SAMD3: variants seen among roughly 807,000 people sequenced by gnomAD.
SAMD3 encodes sterile alpha motif domain containing 3.
In SAMD3, 63 loss-of-function variants were observed where a neutral mutation model predicts 58.5. The ratio of observed to expected loss-of-function variants is 1.08; its 90% confidence interval spans 0.88 to 1.33. SAMD3 has a LOEUF of 1.33. Ranked by LOEUF, SAMD3 falls within the 40% of genes most tolerant of loss-of-function variation. The pLI is 0.00. For missense variants in SAMD3, 604 were observed against 608.4 expected, an observed-to-expected ratio of 0.99 and a Z score of 0.08; for synonymous variants, 220 against 210.3, an observed-to-expected ratio of 1.05 and a Z score of -0.40.
intron 2 of SAMD3, among the ~76,000 whole-genome samples, chr6:130,277,455 C>CA (rs1774816375): frequency 6.6e-6 from 1 of 152,226 alleles, no homozygotes; most frequent in Admixed American, 6.5e-5. Flanking sequence ...ATTTCAAAGG[C>CA]AGTGCTCATT....
chr6:130,195,833 C>T (rs1158756994), intron 5 of SAMD3, among the ~76,000 whole-genome samples: 1 of 152,164 alleles, frequency 6.6e-6, no homozygotes, highest in African/African-American at 2.4e-5. Context: ...ATCTCTCAAA[C>T]CCCAACACCT....
chr6:130,245,190 G>A (rs1322264887), intron 2 of SAMD3, among the ~76,000 whole-genome samples: 13 of 152,232 alleles, frequency 8.5e-5, no homozygotes, highest in Non-Finnish European at 1.5e-5. Flanking sequence ...TGTGGAAAGT[G>A]CTAGACTACT....
chr6:130,192,241 AT>A (rs1289468105), intron 5 of SAMD3, among the ~76,000 whole-genome samples: 1 of 152,216 alleles, frequency 6.6e-6, no homozygotes, highest in African/African-American at 2.4e-5. Flanking sequence ...CAAATATAAC[AT>A]TGTATGATTG....
At chr6:130,241,206 C>CTTT (rs57573903) in intron 2 of SAMD3, among the ~76,000 whole-genome samples, 12 of 109,238 alleles carry the variant, frequency 1.1e-4, no homozygotes, top group East Asian at 2.5e-4. Flanking sequence ...CTTAAACCTC[C>CTTT]TTTTTTTTTT....
intron 2 of SAMD3, among the ~76,000 whole-genome samples, chr6:130,247,584 T>G (rs1773594380): frequency 2.0e-5 from 3 of 152,174 alleles, no homozygotes; most frequent in African/African-American, 7.2e-5. Context: ...ATCGTGAATT[T>G]GTAATGATAC....
chr6:130,257,681 C>G (rs1306489706), intron 2 of SAMD3, among the ~76,000 whole-genome samples: 1 of 152,010 alleles, frequency 6.6e-6, no homozygotes, highest in Non-Finnish European at 1.5e-5. Flanking sequence ...TATTGACAAG[C>G]AATTTTTAAT....
At chr6:130,258,065 G>A (rs1015581814) in intron 2 of SAMD3, among the ~76,000 whole-genome samples, 12 of 151,998 alleles carry the variant, frequency 7.9e-5, no homozygotes, top group African/African-American at 1.9e-4. Context: ...TGAGTGTTCC[G>A]TGGAATAAAT....
chr6:130,321,030 T>A (rs1348813460), intron 1 of SAMD3, among the ~76,000 whole-genome samples: 1 of 152,220 alleles, frequency 6.6e-6, no homozygotes, highest in Non-Finnish European at 1.5e-5. Flanking sequence ...AATATCACTT[T>A]GTCTAACATA....
chr6:130,334,113 A>G (rs1287484597), intron 1 of SAMD3, among the ~76,000 whole-genome samples: 1 of 152,182 alleles, frequency 6.6e-6, no homozygotes, highest in Non-Finnish European at 1.5e-5. Flanking sequence ...CGGGGAGCAT[A>G]GGTTTTAAAA....
intron 8 of SAMD3, among the ~76,000 whole-genome samples, chr6:130,173,714 G>C (rs796720084): frequency 1.3e-5 from 2 of 152,212 alleles, no homozygotes; most frequent in Non-Finnish European, 2.9e-5. Context: ...GCTGTGCTGG[G>C]AGAATCCCTC....
At chr6:130,200,183 C>T (rs989052525) in intron 5 of SAMD3, among the ~76,000 whole-genome samples, 3 of 152,006 alleles carry the variant, frequency 2.0e-5, no homozygotes, top group Non-Finnish European at 4.4e-5. Flanking sequence ...GAAACTCAGC[C>T]CTTTATCTTA....
chr6:130,341,014 TCAGTACATTTAGAA>T (rs1250361451), intron 1 of SAMD3, among the ~76,000 whole-genome samples: 4 of 152,230 alleles, frequency 2.6e-5, no homozygotes, highest in Admixed American at 6.5e-5. Flanking sequence ...TAAAAGGTTT[TCAGTACATTTAGAA>T]CACATAAAGT....
chr6:130,287,936 T>TC (rs1278599828), intron 2 of SAMD3, among the ~76,000 whole-genome samples: 1 of 134,572 alleles, frequency 7.4e-6, no homozygotes, highest in Non-Finnish European at 1.6e-5. Context: ...AGAGCATGAC[T>TC]CCGTCTCAAA....
intron 1 of SAMD3, among the ~76,000 whole-genome samples, chr6:130,342,608 A>G (rs1777307053): frequency 6.6e-6 from 1 of 152,200 alleles, no homozygotes. Context: ...ACAGGCTTTC[A>G]TAATACCAGG....
chr6:130,312,117 T>C (rs1258534288), intron 2 of SAMD3, among the ~76,000 whole-genome samples: 1 of 152,182 alleles, frequency 6.6e-6, no homozygotes, highest in Non-Finnish European at 1.5e-5. Context: ...TTCTGTGGCT[T>C]GTAGCTAAAA....
At chr6:130,238,826 T>G (rs1317120217) in intron 2 of SAMD3, among the ~76,000 whole-genome samples, 2 of 152,176 alleles carry the variant, frequency 1.3e-5, no homozygotes, top group African/African-American at 4.8e-5. Context: ...TGGTGCAATC[T>G]CAGCTCACTG....
At chr6:130,311,619 G>A (rs1776168308) in intron 2 of SAMD3, among the ~76,000 whole-genome samples, 1 of 152,210 alleles carries the variant, frequency 6.6e-6, no homozygotes, top group Non-Finnish European at 1.5e-5. Flanking sequence ...AGTTGAACAA[G>A]TTTAAGAGGC....
At chr6:130,178,152 T>A (rs1210444021) in intron 7 of SAMD3, among the ~76,000 whole-genome samples, 1 of 136,728 alleles carries the variant, frequency 7.3e-6, no homozygotes, top group East Asian at 1.9e-4. Flanking sequence ...TTTTTTGTAT[T>A]TTTAGTAGAG....
intron 2 of SAMD3, among the ~76,000 whole-genome samples, chr6:130,231,302 A>T (rs1275704969): frequency 1.3e-5 from 2 of 152,182 alleles, no homozygotes; most frequent in East Asian, 3.9e-4. Flanking sequence ...AGTGGTTCAC[A>T]CCTGTAATCC....
Sources: allele counts gnomAD v4.1 joint callset (sites outside exome capture counted in the v4.1 genomes callset), GRCh38; gene constraint gnomAD v4.1.1; transcripts MANE v1.5; gene names NCBI Gene and HGNC (gene_info 2026-07-23, HGNC 2026-07-21).